The following TCERG1L variants were observed in gnomAD, a reference collection of about 807,000 sequenced individuals.
TCERG1L encodes the protein transcription elongation regulator 1 like, also known as transcription elongation regulator 1-like protein.
Under a neutral mutation model 56.3 loss-of-function variants are expected in TCERG1L, and 37 were observed. The ratio of observed to expected loss-of-function variants is 0.66; its 90% confidence interval spans 0.51 to 0.87. TCERG1L has a LOEUF of 0.87. TCERG1L is among the 40% of genes least tolerant of loss of function. The probability of loss-of-function intolerance (pLI) is 0.00; values close to 1 mark genes in which losing one functional copy is unlikely to be tolerated. For missense variants in TCERG1L, 799 were observed against 774.2 expected, an observed-to-expected ratio of 1.03 and a Z score of -0.38; for synonymous variants, 324 against 326.3, an observed-to-expected ratio of 0.99 and a Z score of 0.08.
intron 8 of TCERG1L, among the ~76,000 whole-genome samples, chr10:131,123,665 T>C (rs1006131397): frequency 6.6e-6 from 1 of 152,032 alleles, no homozygotes; most frequent in Non-Finnish European, 1.5e-5. Flanking sequence ...CCGACTGCCC[T>C]GAGTCCTGAC....
chr10:131,298,283 C>G (rs537429680), intron 3 of TCERG1L, among the ~76,000 whole-genome samples: 1 of 151,648 alleles, frequency 6.6e-6, no homozygotes, highest in African/African-American at 2.4e-5. Context: ...TTTCTTATTT[C>G]CACTGTCACT....
At chr10:131,249,430 G>A (rs867135680) in intron 4 of TCERG1L, among the ~76,000 whole-genome samples, 13 of 151,112 alleles carry the variant, frequency 8.6e-5, no homozygotes, top group African/African-American at 2.2e-4. Context: ...CTACCCCAGC[G>A]TAGGGGCTTT....
intron 4 of TCERG1L, among the ~76,000 whole-genome samples, chr10:131,220,781 G>A (rs562245871): frequency 1.3e-5 from 2 of 152,208 alleles, no homozygotes; most frequent in Non-Finnish European, 2.9e-5. Context: ...CCTTGGCAGT[G>A]GTCCAGAGCC....
In TCERG1L at chr10:131,130,735, T is replaced by C. The variant is rs116263740; in HGVS notation, c.1259+3644A>G. On this transcript the variant is annotated intron_variant, in intron 8 of 11. Coordinates refer to ENST00000368642, the MANE Select transcript of TCERG1L (RefSeq NM_174937.4). ...AAGTAGTGATACAGTGAGCCAAATA[T>C]CTGACAACCAGCCTTGTGGAGAAAG... Among the ~76,000 whole-genome samples the C allele has an allele frequency of 2.9e-3, 437 of 152,242 alleles. 1 individual carries two copies. The highest frequency in any genetic ancestry group is 1.0e-2 in the African/African-American group (415 of 41,546).
chr10:131,232,681 T>C (rs980558531), intron 4 of TCERG1L, among the ~76,000 whole-genome samples: 2 of 152,216 alleles, frequency 1.3e-5, no homozygotes, highest in Admixed American at 6.5e-5. Flanking sequence ...ACAGCTCAAG[T>C]AGTATTTGGG....
chr10:131,153,421 C>A (rs2133421626), intron 6 of TCERG1L, among the ~76,000 whole-genome samples: 1 of 152,290 alleles, frequency 6.6e-6, no homozygotes, highest in South Asian at 2.1e-4. Flanking sequence ...CCTAGAGAAT[C>A]AAATGCACTG....
At chr10:131,121,813 C>T (rs879758655) in intron 8 of TCERG1L, among the ~76,000 whole-genome samples, 1 of 152,110 alleles carries the variant, frequency 6.6e-6, no homozygotes, top group African/African-American at 2.4e-5. Context: ...CACACCCATG[C>T]TGGTGATGAG....
At chr10:131,198,960 G>A (rs1239505063) in intron 4 of TCERG1L, among the ~76,000 whole-genome samples, 2 of 152,216 alleles carry the variant, frequency 1.3e-5, no homozygotes, top group African/African-American at 4.8e-5. Flanking sequence ...GCCCACTTGA[G>A]CCACAGCTGG....
At chr10:131,300,487 T>A (rs1174979268) in intron 3 of TCERG1L, among the ~76,000 whole-genome samples, 2 of 152,208 alleles carry the variant, frequency 1.3e-5, no homozygotes, top group African/African-American at 4.8e-5. Flanking sequence ...CTTGGCTGTA[T>A]CACATCTATG....
At chr10:131,231,403 G>A (rs1375628351) in intron 4 of TCERG1L, among the ~76,000 whole-genome samples, 1 of 152,216 alleles carries the variant, frequency 6.6e-6, no homozygotes, top group African/African-American at 2.4e-5. Flanking sequence ...CCCTCCAGAG[G>A]CGAAGGTCGC....
In TCERG1L at chr10:131,285,955, C is replaced by CT. The variant is rs551534735; in HGVS notation, c.670+22255dup. 3.0e-4 allele frequency among the ~76,000 whole-genome samples: 46 copies of CT among 152,294 alleles called. 1 individual carries two copies. The highest frequency in any genetic ancestry group is 2.5e-3 in the Admixed American group (38 of 15,302). On this transcript the variant is annotated intron_variant, in intron 3 of 11. Coordinates refer to ENST00000368642, the MANE Select transcript of TCERG1L (RefSeq NM_174937.4). ...GAACAGGATACATTTGAAGCATCTG[C>CT]TCCAAAACAGGACCAGCATGGGGTA...
chr10:131,116,699 G>C, intron 9 of TCERG1L, 100 bp downstream of exon 9: 1 of 1,452,962 alleles, frequency 6.9e-7, no homozygotes. Flanking sequence ...GCCTGATCAT[G>C]AACTCAGTGA....
Position 131,307,062 on chromosome 10 carries a change from A to G in TCERG1L, c.670+1149T>C, listed in dbSNP as rs556671334. On this transcript the variant is annotated intron_variant, in intron 3 of 11. Coordinates refer to ENST00000368642, the MANE Select transcript of TCERG1L (RefSeq NM_174937.4). ...TAAAATAATACCTTTTCATATACCA[A>G]AAGAACCCTCCAAAGTCATGTCATA... 1.8e-4 allele frequency among the ~76,000 whole-genome samples: 27 copies of G among 152,312 alleles called. No homozygotes were observed. The South Asian group carries it at 5.6e-3, about 32-fold the overall frequency.
rs145162596 is a variant in TCERG1L at position 131,310,612 on chromosome 10, A to C, written c.342+682T>G. Among the ~76,000 whole-genome samples, 67 of 152,274 alleles carry C rather than the reference A, an allele frequency of 4.4e-4. No individual in the cohort carries two copies. In the East Asian group the frequency reaches 0.013, roughly 29 times the overall value. Reference sequence around the variant, plus strand: ...CCTAGCTCTGCTGCACCATTTATCAAAGGTTCAGTCACTTTTTCTTTTTAA... The same window carrying C: ...CCTAGCTCTGCTGCACCATTTATCACAGGTTCAGTCACTTTTTCTTTTTAA... On this transcript the variant is annotated intron_variant, in intron 1 of 11. Transcript: ENST00000368642.
chr10:131,256,118 G>A (rs897209913), intron 4 of TCERG1L, among the ~76,000 whole-genome samples: 11 of 152,174 alleles, frequency 7.2e-5, no homozygotes, highest in African/African-American at 2.4e-4. Flanking sequence ...TCTTTAAAAT[G>A]TTAATATGTA....
At chr10:131,136,932 G>A (rs1414242170) in intron 7 of TCERG1L, among the ~76,000 whole-genome samples, 3 of 151,152 alleles carry the variant, frequency 2.0e-5, no homozygotes, top group Non-Finnish European at 4.4e-5. Flanking sequence ...ATGAGGTCAG[G>A]AGTTCGAGAC....
Position 131,092,619 on chromosome 10 carries a change from C to T in TCERG1L, c.*543G>A, listed in dbSNP as rs1035949104. The T allele has an allele frequency of 6.6e-6, 1 of 152,550 alleles. No homozygotes were observed. The highest frequency in any genetic ancestry group is 2.4e-5 in the African/African-American group (1 of 41,450). 9.4% of individuals were successfully genotyped at this position (152,550 alleles called of 1,614,324 possible). A position where few individuals can be genotyped will look rare whatever the true frequency, so the allele number is the denominator to read the frequency against. On this transcript the variant is annotated 3_prime_UTR_variant, in exon 12 of 12. Coordinates refer to ENST00000368642, the MANE Select transcript of TCERG1L (RefSeq NM_174937.4). Reference sequence around the variant, plus strand: ...GGAACGCGCGGCCACCCTTGGAAACCTGTAAGTGATCCACGGTCCAGGTGT... The same window carrying T: ...GGAACGCGCGGCCACCCTTGGAAACTTGTAAGTGATCCACGGTCCAGGTGT...
chr10:131,217,708 CTTTTTTTTTTTTTTTTT>C (rs534101797), intron 4 of TCERG1L, among the ~76,000 whole-genome samples: 2 of 79,046 alleles, frequency 2.5e-5, no homozygotes, highest in African/African-American at 5.3e-5. Context: ...AGTAGCTGCC[CTTTTTTTTTTTTTTTTT>C]TTTTTTTTTT....
At chr10:131,160,742 T>A (rs1406252588) in intron 6 of TCERG1L, 1 of 152,220 alleles carries the variant, frequency 6.6e-6, no homozygotes, top group Non-Finnish European at 1.5e-5. Context: ...CCAGGATTCA[T>A]CGGCAAAGAC....
Sources: gnomAD v4.1 joint callset for allele counts (sites outside exome capture counted in the v4.1 genomes callset) on GRCh38, gnomAD v4.1.1 for gene constraint, MANE v1.5 for transcripts, NCBI Gene and HGNC (gene_info 2026-07-23, HGNC 2026-07-21) for gene names.